The following P2RY14 variants were observed in gnomAD, a reference collection of about 807,000 sequenced individuals.
P2RY14 encodes the protein P2Y purinoceptor 14.
In P2RY14, 2 loss-of-function variants were observed where a neutral mutation model predicts 0.9. The ratio of observed to expected loss-of-function variants is 2.16; its 90% CI spans 0.88 to 6.79. The LOEUF is 6.79. Among genes scored for constraint, P2RY14 ranks in the 30% most tolerant of loss-of-function variants. The pLI is 0.05. For synonymous variants in P2RY14, 158 were observed against 147.2 expected (o/e 1.07, Z -0.53); for missense variants, 378 against 400.1 (o/e 0.94, Z 0.47).
chr3:151,236,846 CTG>C (rs1481679446), intron 1 of P2RY14, among the ~76,000 whole-genome samples: 13 of 152,126 alleles, frequency 8.5e-5, no homozygotes, highest in Non-Finnish European at 4.4e-5. Context: ...TAGCATTCTG[CTG>C]TGTGACCATA....
chr3:151,258,986 G>A (rs978363486), intron 1 of P2RY14, among the ~76,000 whole-genome samples: 1 of 152,100 alleles, frequency 6.6e-6, no homozygotes, highest in African/African-American at 2.4e-5. Flanking sequence ...AAATGGTGCT[G>A]ATAAGTGGTG....
At chr3:151,246,644 G>C (rs573041945) in intron 1 of P2RY14, among the ~76,000 whole-genome samples, 1 of 152,098 alleles carries the variant, frequency 6.6e-6, no homozygotes, top group Non-Finnish European at 1.5e-5. Context: ...AGACTTAAAC[G>C]TTAGACCTAC....
At chr3:151,260,136 T>C (rs752216827) in intron 1 of P2RY14, among the ~76,000 whole-genome samples, 10 of 152,156 alleles carry the variant, frequency 6.6e-5, no homozygotes, top group African/African-American at 1.4e-4. Flanking sequence ...ATCATGAGTG[T>C]GTTTCAGTTG....
At chr3:151,227,361 G>T (rs1339987489) in intron 1 of P2RY14, among the ~76,000 whole-genome samples, 1 of 152,122 alleles carries the variant, frequency 6.6e-6, no homozygotes, top group Non-Finnish European at 1.5e-5. Flanking sequence ...AAAGATAAAA[G>T]AAATCTGAAT....
chr3:151,252,747 G>A (rs1281389203), intron 1 of P2RY14, among the ~76,000 whole-genome samples: 1 of 151,998 alleles, frequency 6.6e-6, no homozygotes, highest in Non-Finnish European at 1.5e-5. Context: ...TGCAGGAGTA[G>A]GTTTGTTCAT....
chr3:151,268,672 A>G (rs1740295027), intron 1 of P2RY14, among the ~76,000 whole-genome samples: 1 of 152,222 alleles, frequency 6.6e-6, no homozygotes, highest in Non-Finnish European at 1.5e-5. Flanking sequence ...AGCCTTTAGT[A>G]AGCTTTGAAA....
At chr3:151,230,895 G>A (rs558175985) in intron 1 of P2RY14, among the ~76,000 whole-genome samples, 94 of 152,204 alleles carry the variant, frequency 6.2e-4, no homozygotes, top group African/African-American at 2.2e-3. Flanking sequence ...AAGGAAACAG[G>A]GCTCCTTAAG....
chr3:151,251,485 G>A (rs1736846726), intron 1 of P2RY14, among the ~76,000 whole-genome samples: 1 of 151,934 alleles, frequency 6.6e-6, no homozygotes, highest in Admixed American at 6.6e-5. Context: ...CCACCCACAG[G>A]GTGTGTCCTC....
At position 151,213,655 on chromosome 3, in the gene P2RY14, C is replaced by T; in HGVS notation, c.662G>A (p.Ser221Asn). Reference protein sequence around the residue: ...KKIFKSHLKSSRNSTSVKKKS... With the variant: ...KKIFKSHLKSNRNSTSVKKKS... ...CTTTTTGACCGAAGTGGAATTCCGA[C>T]TTGACTTAAGGTGGGACTTAAAGAT... is the stretch of plus-strand genomic sequence containing the variant. Residue 221 changes from serine to asparagine, a missense_variant, in exon 3 of 3, where the codon AGT becomes AAT. Transcript: ENST00000309170. 6.2e-7 allele frequency: 1 copy of T among 1,614,164 alleles called. No homozygotes were observed. Among genetic ancestry groups the T allele is most frequent in the East Asian group, 2.2e-5 (1 of 44,886 alleles).
chr3:151,243,870 C>G (rs1176786204), intron 1 of P2RY14, among the ~76,000 whole-genome samples: 2 of 149,480 alleles, frequency 1.3e-5, no homozygotes, highest in Non-Finnish European at 3.0e-5. Flanking sequence ...TTCAGGAAAC[C>G]CATCTCACGT....
intron 1 of P2RY14, among the ~76,000 whole-genome samples, chr3:151,264,858 C>T (rs932883815): frequency 6.6e-6 from 1 of 152,162 alleles, no homozygotes; most frequent in Non-Finnish European, 1.5e-5. Context: ...ACCAGCTGGC[C>T]CTGCCTGGTT....
At chr3:151,234,679 C>T (rs988069952) in intron 1 of P2RY14, among the ~76,000 whole-genome samples, 3 of 152,130 alleles carry the variant, frequency 2.0e-5, no homozygotes, top group Admixed American at 1.3e-4. Context: ...CAACTAGGAC[C>T]CAACCATTCG....
chr3:151,240,301 A>G (rs1733824017), intron 1 of P2RY14, among the ~76,000 whole-genome samples: 1 of 152,128 alleles, frequency 6.6e-6, no homozygotes, highest in Non-Finnish European at 1.5e-5. Context: ...CTTACCCTTT[A>G]TTTCTGTGAT....
chr3:151,239,645 A>G (rs1256240686), intron 1 of P2RY14, among the ~76,000 whole-genome samples: 2 of 152,224 alleles, frequency 1.3e-5, no homozygotes, highest in Admixed American at 1.3e-4. Flanking sequence ...ATGGATAGGT[A>G]TACACAAAAG....
intron 1 of P2RY14, among the ~76,000 whole-genome samples, chr3:151,262,791 C>A (rs1270153859): frequency 6.6e-6 from 1 of 152,114 alleles, no homozygotes; most frequent in Non-Finnish European, 1.5e-5. Context: ...ATGCCAGATA[C>A]TGTTCTAAAT....
Position 151,227,489 on chromosome 3 carries a change from G to A in P2RY14, c.-132-7847C>T, listed in dbSNP as rs148199451. ...ATAGTCTTTACTTTGTATTCTAATC[G>A]CTTCCCTCAAAACACTTTTGGCATA... On this transcript the variant is annotated intron_variant, in intron 1 of 2. Transcript: ENST00000309170. Among the ~76,000 whole-genome samples the A allele has an allele frequency of 5.3e-5, 8 of 152,296 alleles. No homozygotes were observed. In the East Asian group the frequency reaches 1.4e-3, roughly 26 times the overall value.
In P2RY14 at chr3:151,213,999, G is replaced by T; in HGVS notation, c.318C>A (p.Tyr106Ter). 1 of 1,613,996 alleles carries T rather than the reference G, an allele frequency of 6.2e-7. No individual in the cohort carries two copies. Among genetic ancestry groups the T allele is most frequent in the Non-Finnish European group, 8.5e-7 (1 of 1,179,914 alleles). ...VSAVLFYVNM[Y>*]VSIVFFGLIS... ...TGAGCCCAAAGAACACAATGCTGAC[G>T]TACATGTTGACGTAGAAGAGCACGG... The change falls in exon 3 of 3, where the codon TAC becomes TAA. Residue 106 changes from tyrosine (Y) to a stop codon, truncating the protein, a stop_gained. Transcript: ENST00000309170. LOFTEE classifies it low-confidence loss of function (END_TRUNC).
At chr3:151,269,751 G>C (rs535087524) in intron 1 of P2RY14, 6 of 421,070 alleles carry the variant, frequency 1.4e-5, no homozygotes, top group Non-Finnish European at 2.3e-5. Context: ...AATTTCATCT[G>C]AATGAGAGTG....
intron 1 of P2RY14, among the ~76,000 whole-genome samples, chr3:151,230,489 T>TA (rs1731437600): frequency 1.3e-5 from 2 of 152,142 alleles, no homozygotes; most frequent in African/African-American, 4.8e-5. Flanking sequence ...CCTTTCTCGT[T>TA]ATACTATACA....
Sources: allele counts gnomAD v4.1 joint callset (sites outside exome capture counted in the v4.1 genomes callset), GRCh38; gene constraint gnomAD v4.1.1; transcripts MANE v1.5; gene names NCBI Gene and HGNC (gene_info 2026-07-23, HGNC 2026-07-21).